Variants in CCSER1 observed in about 807,000 individuals in gnomAD.
The protein encoded by CCSER1 is coiled-coil serine rich protein 1.
Under a neutral mutation model 82.0 loss-of-function variants are expected in CCSER1, and 41 were observed. That is an observed-to-expected ratio of 0.50 (90% CI 0.39 to 0.65). CCSER1 has a LOEUF of 0.65. CCSER1 is among the 30% of genes least tolerant of loss of function. CCSER1 has a pLI of 0.00. For missense variants in CCSER1, 1,119 were observed against 1,064.2 expected, an observed-to-expected ratio of 1.05 and a Z score of -0.72; for synonymous variants, 414 against 383.9, an observed-to-expected ratio of 1.08 and a Z score of -0.92.
chr4:90,959,159 A>G (rs57334654), intron 9 of CCSER1, among the ~76,000 whole-genome samples: 1,582 of 152,294 alleles, frequency 0.01, 23 homozygotes, highest in African/African-American at 0.035. Context: ...CTATAAGGGA[A>G]CATCTGCTCT....
chr4:90,145,448 G>A (rs115512112), intron 1 of CCSER1, among the ~76,000 whole-genome samples: 2,354 of 152,186 alleles, frequency 0.015, 64 homozygotes, highest in African/African-American at 0.053. Flanking sequence ...GTATCAGTGT[G>A]CTTTTCAGTT....
chr4:90,424,098 A>G (rs1022274859), intron 4 of CCSER1, among the ~76,000 whole-genome samples: 2 of 152,132 alleles, frequency 1.3e-5, no homozygotes, highest in South Asian at 2.1e-4. Context: ...CTCAAAAAAA[A>G]AAAAAAGAAA....
intron 1 of CCSER1, among the ~76,000 whole-genome samples, chr4:90,303,972 C>T (rs1042724265): frequency 1.3e-5 from 2 of 152,222 alleles, no homozygotes; most frequent in African/African-American, 4.8e-5. Flanking sequence ...CCAAACAACC[C>T]CATCAAAAAG....
At chr4:90,155,840 T>C (rs1300736466) in intron 1 of CCSER1, among the ~76,000 whole-genome samples, 3 of 151,562 alleles carry the variant, frequency 2.0e-5, no homozygotes, top group African/African-American at 7.3e-5. Context: ...GATTCATTAA[T>C]TTTTTGAAGG....
At chr4:91,360,082 C>T (rs1043180969) in intron 10 of CCSER1, among the ~76,000 whole-genome samples, 2 of 151,762 alleles carry the variant, frequency 1.3e-5, no homozygotes, top group Non-Finnish European at 2.9e-5. Flanking sequence ...GGGGAAATAA[C>T]ATTCATTATG....
chr4:90,808,420 A>T lies in CCSER1; in HGVS notation c.2011-7342A>T, dbSNP rs193204698. Among the ~76,000 whole-genome samples, 3 of 152,336 alleles carry T rather than the reference A, an allele frequency of 2.0e-5. 1 individual carries two copies. The East Asian group carries it at 5.8e-4, about 29-fold the overall frequency. On this transcript the variant is annotated intron_variant, in intron 7 of 10. Transcript: ENST00000509176. The stretch of plus-strand genomic sequence containing the variant: ...CCTAATTAAACTTAAAAGCTTCTAT[A>T]CAACAAAAGAAATAATCAACAGAGT...
chr4:90,650,417 A>G lies in CCSER1; in HGVS notation c.1932+22185A>G, dbSNP rs1054012070. Among the ~76,000 whole-genome samples the G allele has an allele frequency of 2.0e-5, 3 of 152,184 alleles. No homozygotes were observed. The East Asian group carries it at 5.8e-4, about 29-fold the overall frequency. ...GAAAGGAACATGTTAAGATAGTAACAGGATAGTTTGGACACCAGACTTGTA... is the reference window on the plus strand; with the variant it reads ...GAAAGGAACATGTTAAGATAGTAACGGGATAGTTTGGACACCAGACTTGTA... On this transcript the variant is annotated intron_variant, in intron 6 of 10. Transcript: ENST00000509176.
intron 10 of CCSER1, among the ~76,000 whole-genome samples, chr4:91,457,054 C>A (rs561027159): frequency 2.0e-5 from 3 of 152,124 alleles, no homozygotes; most frequent in South Asian, 4.1e-4. Flanking sequence ...AAGGAACATA[C>A]AATCCATGTG....
chr4:90,636,266 C>A (rs761336389), intron 6 of CCSER1, among the ~76,000 whole-genome samples: 1 of 151,532 alleles, frequency 6.6e-6, no homozygotes, highest in South Asian at 2.1e-4. Flanking sequence ...ATCTGAATAG[C>A]CTAACTTGTA....
chr4:90,306,159 G>T (rs979853636), intron 1 of CCSER1, among the ~76,000 whole-genome samples: 22 of 152,224 alleles, frequency 1.4e-4, no homozygotes, highest in African/African-American at 4.8e-4. Context: ...TGGCTACCAG[G>T]CCCCAGGATG....
intron 10 of CCSER1, among the ~76,000 whole-genome samples, chr4:91,373,268 T>A (rs192155388): frequency 6.6e-6 from 1 of 152,292 alleles, no homozygotes; most frequent in African/African-American, 2.4e-5. Flanking sequence ...GTTATTGTGC[T>A]TTTCTTTGTT....
intron 9 of CCSER1, among the ~76,000 whole-genome samples, chr4:91,052,770 A>C (rs2148713016): frequency 6.6e-6 from 1 of 152,236 alleles, no homozygotes; most frequent in Non-Finnish European, 1.5e-5. Context: ...CATATACCAT[A>C]TTTTGATGTA....
intron 7 of CCSER1, among the ~76,000 whole-genome samples, chr4:90,779,147 A>G (rs1384350375): frequency 6.6e-6 from 1 of 152,212 alleles, no homozygotes; most frequent in African/African-American, 2.4e-5. Context: ...AAGTCTAAGA[A>G]GCACAAATGA....
At chr4:91,175,545 G>C (rs1733243231) in intron 10 of CCSER1, among the ~76,000 whole-genome samples, 1 of 152,122 alleles carries the variant, frequency 6.6e-6, no homozygotes, top group African/African-American at 2.4e-5. Context: ...TCTCATTGTG[G>C]TTTTGATTTG....
intron 7 of CCSER1, among the ~76,000 whole-genome samples, chr4:90,785,591 C>A (rs577880745): frequency 1.3e-5 from 2 of 152,096 alleles, no homozygotes; most frequent in Admixed American, 6.6e-5. Flanking sequence ...TTTCTATGTT[C>A]GAGCAAAATA....
In CCSER1 at chr4:91,097,151, A is replaced by C. The variant is rs1202641478; in HGVS notation, c.2217+11157A>C. Among the ~76,000 whole-genome samples, 8 of 152,324 alleles carry C rather than the reference A, an allele frequency of 5.3e-5. No individual in the cohort carries two copies. The East Asian group carries it at 1.5e-3, about 29-fold the overall frequency. On this transcript the variant is annotated intron_variant, in intron 10 of 10. Transcript: ENST00000509176. ...ACCTCAAAAATGCCCAACCATCGGT[A>C]TTCTGAATATTCTGTATCACAGGTC...
chr4:90,433,524 C>T (rs978567840), intron 4 of CCSER1, among the ~76,000 whole-genome samples: 5 of 151,900 alleles, frequency 3.3e-5, no homozygotes, highest in Admixed American at 1.3e-4. Context: ...ATATTAAAAA[C>T]CCTAATGTTT....
intron 10 of CCSER1, among the ~76,000 whole-genome samples, chr4:91,394,642 G>A (rs1751854699): frequency 6.6e-6 from 1 of 151,932 alleles, no homozygotes; most frequent in Admixed American, 6.6e-5. Context: ...AAATAAGTTT[G>A]AAAATTTAAT....
chr4:91,269,772 C>T (rs1323218129), intron 10 of CCSER1, among the ~76,000 whole-genome samples: 1 of 152,106 alleles, frequency 6.6e-6, no homozygotes, highest in African/African-American at 2.4e-5. Context: ...AGAACTTTAA[C>T]TTCCAGAGGG....
Sources: allele counts gnomAD v4.1 joint callset (sites outside exome capture counted in the v4.1 genomes callset), GRCh38; gene constraint gnomAD v4.1.1; transcripts MANE v1.5; gene names NCBI Gene and HGNC (gene_info 2026-07-23, HGNC 2026-07-21).